Variants in TXLNA observed in about 807,000 individuals in gnomAD.
The protein encoded by TXLNA is taxilin alpha, also known as alpha-taxilin.
A neutral mutation model predicts 61.4 loss-of-function variants in TXLNA; 9 were observed. That is an observed-to-expected ratio of 0.15 (90% CI 0.09 to 0.26). The LOEUF (loss-of-function observed/expected upper bound fraction) is 0.26, where lower values mean the gene tolerates loss of function less well. TXLNA is among the 10% of genes least tolerant of loss of function. TXLNA has a pLI of 1.00. For missense variants in TXLNA, 565 were observed against 688.8 expected (o/e 0.82, Z 2.01); for synonymous variants, 257 against 267.7 (o/e 0.96, Z 0.39).
At chr1:32,193,553 G>A (rs914748984) in intron 9 of TXLNA, among the ~76,000 whole-genome samples, 1 of 151,644 alleles carries the variant, frequency 6.6e-6, no homozygotes, top group Admixed American at 6.6e-5. Flanking sequence ...TGTTGTTGTT[G>A]TTGTTTGAGA....
intron 10 of TXLNA, among the ~76,000 whole-genome samples, chr1:32,194,401 A>G (rs1642969769): frequency 6.6e-6 from 1 of 152,198 alleles, no homozygotes; most frequent in South Asian, 2.1e-4. Flanking sequence ...AGCAGAAAAA[A>G]ACGGGTGCCA....
intron 3 of TXLNA, among the ~76,000 whole-genome samples, chr1:32,183,979 C>T (rs948735309): frequency 1.1e-4 from 17 of 152,074 alleles, no homozygotes; most frequent in African/African-American, 3.6e-4. Context: ...CCTCGTGATC[C>T]GCCTGCCTCG....
At chr1:32,181,124 A>C in intron 2 of TXLNA, 118 bp from the exon 3 acceptor site, 1 of 833,556 alleles carries the variant, frequency 1.2e-6, no homozygotes, top group Non-Finnish European at 1.7e-6. Context: ...GTTTCCATAA[A>C]AAAAAAAGTT....
chr1:32,187,792 G>A (rs1351806998), intron 4 of TXLNA, among the ~76,000 whole-genome samples, 162 bp from the exon 5 acceptor site: 1 of 152,164 alleles, frequency 6.6e-6, no homozygotes, highest in Non-Finnish European at 1.5e-5. Flanking sequence ...GAGTTCATGG[G>A]AGGAGCGTGT....
intron 10 of TXLNA, among the ~76,000 whole-genome samples, chr1:32,194,411 A>C (rs1240473804): frequency 2.0e-5 from 3 of 152,228 alleles, no homozygotes; most frequent in Non-Finnish European, 4.4e-5. Context: ...AACGGGTGCC[A>C]GTGATGTGCC....
chr1:32,185,252 T>C (rs1642755684), intron 4 of TXLNA, among the ~76,000 whole-genome samples: 1 of 152,218 alleles, frequency 6.6e-6, no homozygotes, highest in South Asian at 2.1e-4. Flanking sequence ...CACTTTGTTG[T>C]AACATTGTTC....
At chr1:32,182,098 C>CTT (rs35693792) in intron 3 of TXLNA, among the ~76,000 whole-genome samples, 3,249 of 101,596 alleles carry the variant, frequency 0.032, 120 homozygotes, top group African/African-American at 0.086. Context: ...TGCAGTCAGG[C>CTT]TTTTTTTTTT....
chr1:32,188,087 T>A lies in TXLNA; in HGVS notation c.731T>A (p.Leu244Gln), dbSNP rs1301994290. 1.1e-5 allele frequency: 18 copies of A among 1,582,486 alleles called. No homozygotes were observed. The highest frequency in any genetic ancestry group is 1.5e-5 in the Non-Finnish European group (18 of 1,163,568). The part of the protein sequence containing the change: ...AVLARSKLES[L>Q]CRELQRHNRS... The stretch of plus-strand genomic sequence containing the variant: ...CTGGCCCGCAGCAAGCTTGAGAGCC[T>A]ATGCCGTGAGCTGCAGCGGCACAAC... Residue 244 changes from leucine to glutamine, a missense_variant, in exon 5 of 11, where the codon CTA becomes CAA. This residue lies in a region of TXLNA where 373 missense variants were observed against 504.0 expected (regional missense o/e 0.74). Coordinates refer to ENST00000373610, the MANE Select transcript of TXLNA (RefSeq NM_175852.4).
chr1:32,180,568 C>T (rs1569588216), intron 2 of TXLNA, 54 bp downstream of exon 2: 3 of 1,532,576 alleles, frequency 2.0e-6, no homozygotes, highest in East Asian at 4.8e-5. Flanking sequence ...GTGGGGTCGG[C>T]CTCGCTTCTG....
intron 9 of TXLNA, among the ~76,000 whole-genome samples, chr1:32,193,764 C>G (rs576874195): frequency 6.6e-6 from 1 of 151,720 alleles, no homozygotes; most frequent in Non-Finnish European, 1.5e-5. Context: ...ACCATGTTGG[C>G]CAGGCTGGTC....
chr1:32,192,300 C>T lies in TXLNA; in HGVS notation c.964-11C>T, dbSNP rs370797154. ...CTGACAAGCCGACTGCTCCCACCAT[C>T]TTTGTTGCAGCATATCGACAAAGTC... On this transcript the variant is annotated splice_polypyrimidine_tract_variant and intron_variant, in intron 6 of 10. Coordinates refer to ENST00000373610, the MANE Select transcript of TXLNA (RefSeq NM_175852.4). The surrounding 1 kb of genome is among the most constrained non-coding windows in gnomAD (Gnocchi z 4.2). 9 of 1,613,074 alleles carry T rather than the reference C, an allele frequency of 5.6e-6. No homozygotes were observed. Among genetic ancestry groups the T allele is most frequent in the Non-Finnish European group, 7.6e-6 (9 of 1,179,162 alleles).
chr1:32,190,277 GC>G, intron 6 of TXLNA, 28 bp downstream of exon 6: 2 of 1,562,896 alleles, frequency 1.3e-6, no homozygotes, highest in Non-Finnish European at 1.7e-6. Context: ...AGCAGTCATG[GC>G]CCAGAAATTG....
intron 2 of TXLNA, 84 bp from the exon 3 acceptor site, chr1:32,181,158 T>G: frequency 1.7e-6 from 2 of 1,209,170 alleles, no homozygotes; most frequent in Non-Finnish European, 2.2e-6. Context: ...CTCAAACTGA[T>G]GAGTTTGGCT....
chr1:32,185,432 G>A (rs917556492), intron 4 of TXLNA, among the ~76,000 whole-genome samples: 3 of 151,662 alleles, frequency 2.0e-5, no homozygotes, highest in Non-Finnish European at 4.4e-5. Context: ...TTGCTCTGTC[G>A]CCCAGGCTGG....
chr1:32,181,695 A>G, intron 3 of TXLNA, 118 bp downstream of exon 3: 1 of 983,984 alleles, frequency 1.0e-6, no homozygotes. Context: ...CAGAGCAGCA[A>G]GTCACTCTAG....
intron 4 of TXLNA, among the ~76,000 whole-genome samples, chr1:32,187,565 G>A: frequency 6.6e-6 from 1 of 152,158 alleles, no homozygotes; most frequent in East Asian, 1.9e-4. Context: ...GAGCGATGGG[G>A]GTCTGTCTGT....
At chr1:32,194,402 A>G (rs1177287650) in intron 10 of TXLNA, among the ~76,000 whole-genome samples, 1 of 152,188 alleles carries the variant, frequency 6.6e-6, no homozygotes, top group Non-Finnish European at 1.5e-5. Context: ...GCAGAAAAAA[A>G]CGGGTGCCAG....
intron 2 of TXLNA, among the ~76,000 whole-genome samples, 164 bp from the exon 3 acceptor site, chr1:32,181,078 T>C (rs915503562): frequency 1.3e-5 from 2 of 152,208 alleles, no homozygotes. Flanking sequence ...TGACAGGAAC[T>C]AGATTTGCTG....
At chr1:32,191,114 G>C (rs1290888541) in intron 6 of TXLNA, among the ~76,000 whole-genome samples, 2 of 142,088 alleles carry the variant, frequency 1.4e-5, no homozygotes. Context: ...AAAAAAAAAA[G>C]CAGGATGTCA....
Sources: allele counts gnomAD v4.1 joint callset (sites outside exome capture counted in the v4.1 genomes callset), GRCh38; gene constraint gnomAD v4.1.1; regional missense constraint gnomAD v4.1.1; non-coding constraint Gnocchi (gnomAD v3.1); transcripts MANE v1.5; gene names NCBI Gene and HGNC (gene_info 2026-07-23, HGNC 2026-07-21).